Variants in EXT1 observed in about 807,000 individuals in gnomAD.
EXT1 encodes the protein exostosin glycosyltransferase 1.
EXT1 carries 20 observed loss-of-function variants against 82.5 expected under a neutral mutation model. That is an observed-to-expected ratio of 0.24 (90% CI 0.17 to 0.35). The LOEUF (loss-of-function observed/expected upper bound fraction) is 0.35, where lower values mean the gene tolerates loss of function less well. EXT1 is among the 10% of genes least tolerant of loss of function. The pLI is 1.00. For synonymous variants in EXT1, 348 were observed against 350.8 expected (o/e 0.99, Z 0.09); for missense variants, 757 against 936.5 (o/e 0.81, Z 2.50).
At chr8:117,841,010 G>A (rs1370616929) in intron 1 of EXT1, among the ~76,000 whole-genome samples, 11 of 152,168 alleles carry the variant, frequency 7.2e-5, no homozygotes, top group Admixed American at 7.2e-4. Flanking sequence ...TAGTTTGGCA[G>A]TTCCTTTTCA....
At chr8:118,004,810 T>C (rs1241108070) in intron 1 of EXT1, among the ~76,000 whole-genome samples, 2 of 152,202 alleles carry the variant, frequency 1.3e-5, no homozygotes, top group Admixed American at 1.3e-4. Context: ...TCTCCAAATA[T>C]GCTGATGATT....
chr8:118,104,276 T>C (rs1243958141), intron 1 of EXT1, among the ~76,000 whole-genome samples: 1 of 152,176 alleles, frequency 6.6e-6, no homozygotes, highest in Non-Finnish European at 1.5e-5. Flanking sequence ...CTGGTCAAGG[T>C]GGAAGAGGTT....
chr8:117,912,203 T>C (rs977783529), intron 1 of EXT1, among the ~76,000 whole-genome samples: 5 of 152,168 alleles, frequency 3.3e-5, no homozygotes, highest in African/African-American at 1.2e-4. Flanking sequence ...TTGCAAATGG[T>C]TCTGTCCTAT....
chr8:117,966,179 T>G (rs1814806230), intron 1 of EXT1, among the ~76,000 whole-genome samples: 1 of 152,188 alleles, frequency 6.6e-6, no homozygotes, highest in Admixed American at 6.5e-5. Context: ...ACCATCACAG[T>G]TGTAACTTCA....
intron 1 of EXT1, among the ~76,000 whole-genome samples, chr8:117,843,768 G>A (rs899059863): frequency 6.6e-6 from 1 of 152,086 alleles, no homozygotes; most frequent in Non-Finnish European, 1.5e-5. Context: ...TAAGTTTGGA[G>A]ACCTCAAAAA....
intron 1 of EXT1, among the ~76,000 whole-genome samples, chr8:117,939,044 G>GC (rs1563607338): frequency 1.3e-5 from 2 of 150,634 alleles, no homozygotes; most frequent in African/African-American, 4.9e-5. Context: ...TTTTCAAGCT[G>GC]TTTTTTTTTC....
chr8:117,899,656 G>A (rs1313415736), intron 1 of EXT1, among the ~76,000 whole-genome samples: 1 of 152,174 alleles, frequency 6.6e-6, no homozygotes, highest in Non-Finnish European at 1.5e-5. Context: ...AATCCAACTA[G>A]AGGGGTGGGG....
chr8:117,967,222 G>A (rs1391638402), intron 1 of EXT1, among the ~76,000 whole-genome samples: 1 of 152,214 alleles, frequency 6.6e-6, no homozygotes, highest in Non-Finnish European at 1.5e-5. Context: ...TTTGTGCCTG[G>A]CACTTGAAGG....
intron 1 of EXT1, among the ~76,000 whole-genome samples, chr8:117,979,520 C>G (rs576720079): frequency 6.7e-6 from 1 of 149,976 alleles, no homozygotes; most frequent in Admixed American, 6.6e-5. Flanking sequence ...TAACTCAAAA[C>G]GAAACATCAA....
At chr8:117,901,896 C>T (rs989093662) in intron 1 of EXT1, among the ~76,000 whole-genome samples, 1 of 152,094 alleles carries the variant, frequency 6.6e-6, no homozygotes, top group African/African-American at 2.4e-5. Flanking sequence ...TTAGGTTTCG[C>T]CATGTTATTC....
Position 118,111,632 on chromosome 8 carries a change from A to G in EXT1, c.-586T>C. 1 of 395,196 alleles carries G rather than the reference A, an allele frequency of 2.5e-6. No individual in the cohort carries two copies. The highest frequency in any genetic ancestry group is 6.3e-4 in the Middle Eastern group (1 of 1,582). 24.5% of individuals were successfully genotyped at this position (395,196 alleles called of 1,614,324 possible). A position where few individuals can be genotyped will look rare whatever the true frequency, so the allele number is the denominator to read the frequency against. On this transcript the variant is annotated 5_prime_UTR_variant, in exon 1 of 11. Coordinates refer to ENST00000378204, the MANE Select transcript of EXT1 (RefSeq NM_000127.3). ...TATTCCCTTCTGCAGCGGCTCCAAG[A>G]CTCCGGCGGTGTTTACTCCTGCGCT...
chr8:118,110,653 G>A lies in EXT1; in HGVS notation c.394C>T (p.Gln132Ter), dbSNP rs1414678503. The change falls in exon 1 of 11, where the codon CAA (glutamine) becomes TAA (stop). Residue 132 changes from glutamine to a stop codon, truncating the protein, a stop_gained. Coordinates refer to ENST00000378204, the MANE Select transcript of EXT1 (RefSeq NM_000127.3). LOFTEE classifies it high-confidence loss of function. Reference protein sequence around the residue: ...QKGEKIAESYQNILAAIEGSR... With the variant: ...QKGEKIAESY ...CCCTCGATGGCCGCTAGAATGTTTT[G>A]GTAACTTTCGGCGATTTTCTCCCCT... 6.2e-7 allele frequency: 1 copy of A among 1,614,084 alleles called. No individual in the cohort carries two copies. The highest frequency in any genetic ancestry group is 8.5e-7 in the Non-Finnish European group (1 of 1,180,016).
At chr8:118,017,594 C>G (rs996517693) in intron 1 of EXT1, among the ~76,000 whole-genome samples, 1 of 152,116 alleles carries the variant, frequency 6.6e-6, no homozygotes, top group Non-Finnish European at 1.5e-5. Flanking sequence ...TAAAATGGGT[C>G]CACAGTCCAA....
chr8:117,979,576 A>G (rs992210172), intron 1 of EXT1, among the ~76,000 whole-genome samples: 5 of 152,278 alleles, frequency 3.3e-5, no homozygotes, highest in African/African-American at 1.2e-4. Context: ...CAGGAGTATC[A>G]TGGTAGACAG....
chr8:117,879,362 A>G (rs1813022596), intron 1 of EXT1, among the ~76,000 whole-genome samples: 1 of 152,152 alleles, frequency 6.6e-6, no homozygotes. Flanking sequence ...AGCCTGGAGA[A>G]GTTAGAGAAA....
chr8:117,863,672 T>C (rs902877044), intron 1 of EXT1, among the ~76,000 whole-genome samples: 2 of 152,158 alleles, frequency 1.3e-5, no homozygotes, highest in African/African-American at 4.8e-5. Flanking sequence ...TAGATATCTC[T>C]GCAAAGTTTC....
Position 118,111,036 on chromosome 8 carries a change from T to G in EXT1, c.11A>C (p.Lys4Thr). The G allele has an allele frequency of 1.3e-6, 2 of 1,596,550 alleles. No homozygotes were observed. Among genetic ancestry groups the G allele is most frequent in the Non-Finnish European group, 1.7e-6 (2 of 1,177,592 alleles). The change falls in exon 1 of 11, where the codon AAA becomes ACA. Residue 4 changes from lysine (K) to threonine (T), a missense_variant. Transcript: ENST00000378204. The stretch of plus-strand genomic sequence containing the variant: ...TGAGAGCAGGATGAAATAGCGTTTT[T>G]TGGCCTGCATGTGTCCTGCCTGGGT... MQA[K>T]KRYFILLSAG...
chr8:117,906,222 A>C lies in EXT1; in HGVS notation c.963-69021T>G, dbSNP rs548375953. On this transcript the variant is annotated intron_variant, in intron 1 of 10. Transcript: ENST00000378204. ...ATGTGTTACTTTCACAGCATCTCTC[A>C]CAAGGCAAATGCTCAAATTTAATTT... 1.8e-3 allele frequency among the ~76,000 whole-genome samples: 279 copies of C among 152,308 alleles called. 4 individuals carry two copies. Among genetic ancestry groups the C allele is most frequent in the African/African-American group, 6.5e-3 (272 of 41,562 alleles).
intron 1 of EXT1, among the ~76,000 whole-genome samples, chr8:118,021,013 G>A (rs1001008565): frequency 1.3e-5 from 2 of 152,136 alleles, no homozygotes; most frequent in Non-Finnish European, 2.9e-5. Flanking sequence ...AGCTTCCAGT[G>A]TATTTTGTAT....
Sources: allele counts gnomAD v4.1 joint callset (sites outside exome capture counted in the v4.1 genomes callset), GRCh38; gene constraint gnomAD v4.1.1; transcripts MANE v1.5; gene names NCBI Gene and HGNC (gene_info 2026-07-23, HGNC 2026-07-21).